Variants in FYB1 observed in about 807,000 individuals in gnomAD.
The protein encoded by FYB1 is FYN-binding protein 1.
A neutral mutation model predicts 94.1 loss-of-function variants in FYB1; 41 were observed. The ratio of observed to expected loss-of-function variants is 0.44; its 90% CI spans 0.34 to 0.57. The LOEUF (loss-of-function observed/expected upper bound fraction) is 0.57, where lower values mean the gene tolerates loss of function less well. Ranked by LOEUF, FYB1 falls within the 20% of genes least tolerant of loss-of-function variation. The probability of loss-of-function intolerance (pLI) is 0.02; values close to 1 mark genes in which losing one functional copy is unlikely to be tolerated. For synonymous variants in FYB1, 367 were observed against 353.2 expected (o/e 1.04, Z -0.44); for missense variants, 1,050 against 976.8 (o/e 1.07, Z -1.00).
chr5:39,194,216 A>C (rs569827199), intron 2 of FYB1, among the ~76,000 whole-genome samples: 1 of 152,236 alleles, frequency 6.6e-6, no homozygotes, highest in South Asian at 2.1e-4. Flanking sequence ...GACCATGTAG[A>C]CTGCTTATAA....
chr5:39,176,264 C>T (rs1430562505), intron 2 of FYB1, among the ~76,000 whole-genome samples: 2 of 150,470 alleles, frequency 1.3e-5, no homozygotes, highest in Non-Finnish European at 3.0e-5. Context: ...GATTCTCCTG[C>T]CTCAGCCTCC....
In FYB1 at chr5:39,105,610, A is replaced by T. The variant is rs1374424412; in HGVS notation, c.*1833T>A. The T allele has an allele frequency of 6.6e-6, 1 of 152,192 alleles. No homozygotes were observed. Among genetic ancestry groups the T allele is most frequent in the African/African-American group, 2.4e-5 (1 of 41,454 alleles). 9.4% of individuals were successfully genotyped at this position (152,192 alleles called of 1,614,324 possible). On this transcript the variant is annotated 3_prime_UTR_variant, in exon 19 of 19. Coordinates refer to ENST00000512982, the MANE Select transcript of FYB1 (RefSeq NM_001465.6). ...GTGTCTCAGGGCACTCTGAAAGTTT[A>T]GCAAGCTTATCAAGGAGTCCTCAAA...
chr5:39,147,689 C>T (rs748244665), intron 3 of FYB1, among the ~76,000 whole-genome samples: 1 of 149,300 alleles, frequency 6.7e-6, no homozygotes, highest in Non-Finnish European at 1.5e-5. Flanking sequence ...TGATAAAGTC[C>T]ACCTTGTCTT....
rs5867446 is a variant in FYB1, at chr5:39,209,329, G to GTT, written c.-27-6344_-27-6343dup. On this transcript the variant is annotated intron_variant, in intron 1 of 18. Coordinates refer to ENST00000512982, the MANE Select transcript of FYB1 (RefSeq NM_001465.6). The stretch of plus-strand genomic sequence containing the variant: ...ATCCCGATTAACACTGTTTAAATAT[G>GTT]TTTTTTTTTTTTTTTGAGACGGAGC... 2.7e-3 allele frequency among the ~76,000 whole-genome samples: 370 copies of GTT among 135,710 alleles called. 2 individuals are homozygous for GTT. The highest frequency in any genetic ancestry group is 9.1e-3 in the African/African-American group (346 of 38,232). The allele number at this position is 135,710 out of a possible 152,430, so 89.0% of individuals were successfully genotyped here.
chr5:39,137,594 C>G lies in FYB1; in HGVS notation c.1515+6G>C. The G allele has an allele frequency of 6.5e-7, 1 of 1,541,100 alleles. No individual in the cohort carries two copies. On this transcript the variant is annotated splice_donor_region_variant and intron_variant, in intron 7 of 18. Transcript: ENST00000512982. ...TTCTTTCACTCATTAGCAAGCAAGC[C>G]CTTACTTTAAATTTCTTCTTTATTT... is the stretch of plus-strand genomic sequence containing the variant.
intron 1 of FYB1, among the ~76,000 whole-genome samples, chr5:39,225,567 T>C (rs1053961456): frequency 2.6e-5 from 4 of 152,236 alleles, no homozygotes; most frequent in Non-Finnish European, 5.9e-5. Flanking sequence ...GCTGCCCAAT[T>C]CATGAATTGT....
rs373056893 is a variant in FYB1, at chr5:39,124,171, C to G, written c.2071+82G>C. ...TATTTTCAGAGTCAAGACTTTAATG[C>G]AGATACTATATCCAGAGCTTTCCCA... On this transcript the variant is annotated intron_variant, in intron 13 of 18. Coordinates refer to ENST00000512982, the MANE Select transcript of FYB1 (RefSeq NM_001465.6). The G allele has an allele frequency of 4.9e-5, 45 of 919,592 alleles. No individual in the cohort carries two copies. The African/African-American group carries it at 7.0e-4, about 14-fold the overall frequency. The allele number at this position is 919,592 out of a possible 1,614,324, so 57.0% of individuals were successfully genotyped here.
At chr5:39,185,094 C>G (rs549500101) in intron 2 of FYB1, among the ~76,000 whole-genome samples, 1 of 152,218 alleles carries the variant, frequency 6.6e-6, no homozygotes, top group East Asian at 1.9e-4. Context: ...AAATTCTCTT[C>G]AGATTTTCTA....
intron 2 of FYB1, among the ~76,000 whole-genome samples, chr5:39,174,315 A>G (rs1353402684): frequency 5.3e-5 from 8 of 152,184 alleles, no homozygotes; most frequent in African/African-American, 1.9e-4. Context: ...GGCCTATCCT[A>G]TATCACTTAT....
At chr5:39,166,553 C>T (rs1189976913) in intron 2 of FYB1, among the ~76,000 whole-genome samples, 1 of 151,974 alleles carries the variant, frequency 6.6e-6, no homozygotes, top group Non-Finnish European at 1.5e-5. Flanking sequence ...AAGTGTCCAT[C>T]AATGGATGAA....
chr5:39,206,243 C>G (rs1487121050), intron 1 of FYB1, among the ~76,000 whole-genome samples: 3 of 152,152 alleles, frequency 2.0e-5, no homozygotes, highest in Non-Finnish European at 2.9e-5. Flanking sequence ...ATATGTCTGG[C>G]AAATCAGTAG....
chr5:39,243,131 G>A (rs962504790), intron 1 of FYB1, among the ~76,000 whole-genome samples: 1 of 152,016 alleles, frequency 6.6e-6, no homozygotes, highest in African/African-American at 2.4e-5. Flanking sequence ...CTGTGCAGAA[G>A]CTCTTTAGTT....
chr5:39,132,366 G>A (rs1741277010), intron 9 of FYB1, among the ~76,000 whole-genome samples: 1 of 152,194 alleles, frequency 6.6e-6, no homozygotes, highest in African/African-American at 2.4e-5. Flanking sequence ...CGCAGCAGCT[G>A]CAGTTTCAAA....
At chr5:39,154,627 C>G (rs1743582084) in intron 2 of FYB1, among the ~76,000 whole-genome samples, 1 of 152,014 alleles carries the variant, frequency 6.6e-6, no homozygotes, top group Non-Finnish European at 1.5e-5. Flanking sequence ...CTGCCTCAGC[C>G]TCCTGAGTAG....
chr5:39,243,858 T>C (rs1751334804), intron 1 of FYB1, among the ~76,000 whole-genome samples: 1 of 152,170 alleles, frequency 6.6e-6, no homozygotes, highest in Non-Finnish European at 1.5e-5. Context: ...GTGCTTCACA[T>C]CCCCCGTAAG....
intron 1 of FYB1, among the ~76,000 whole-genome samples, chr5:39,209,800 C>A (rs1449112647): frequency 6.6e-6 from 1 of 152,210 alleles, no homozygotes; most frequent in Non-Finnish European, 1.5e-5. Flanking sequence ...ATGCATTGAA[C>A]GTACTGGCTG....
chr5:39,160,961 C>T (rs1744190539), intron 2 of FYB1, among the ~76,000 whole-genome samples: 1 of 152,178 alleles, frequency 6.6e-6, no homozygotes, highest in African/African-American at 2.4e-5. Flanking sequence ...CACATCTGAC[C>T]ATTCTGTTAA....
chr5:39,201,717 A>T, intron 2 of FYB1, 109 bp downstream of exon 2: 1 of 956,306 alleles, frequency 1.0e-6, no homozygotes, highest in Non-Finnish European at 1.5e-6. Flanking sequence ...TACACATATG[A>T]GTACCAGATA....
At chr5:39,218,242 G>A (rs1474194702) in intron 1 of FYB1, among the ~76,000 whole-genome samples, 1 of 152,168 alleles carries the variant, frequency 6.6e-6, no homozygotes, top group African/African-American at 2.4e-5. Context: ...GCACCATAAC[G>A]CCTTTGATAT....
Sources: gnomAD v4.1 joint callset for allele counts (sites outside exome capture counted in the v4.1 genomes callset) on GRCh38, gnomAD v4.1.1 for gene constraint, MANE v1.5 for transcripts, NCBI Gene and HGNC (gene_info 2026-07-23, HGNC 2026-07-21) for gene names.